The following SUPT3H variants were observed in gnomAD, a reference collection of about 807,000 sequenced individuals.
SUPT3H encodes the protein transcription initiation protein SPT3 homolog.
Under a neutral mutation model 44.3 loss-of-function variants are expected in SUPT3H, and 44 were observed. The observed-to-expected ratio is 0.99, with a 90% CI of 0.78 to 1.28. The LOEUF is 1.28. SUPT3H is among the 50% of genes most tolerant of loss of function. The probability of loss-of-function intolerance (pLI) is 0.00; values close to 1 mark genes in which losing one functional copy is unlikely to be tolerated. For missense variants in SUPT3H, 380 were observed against 387.1 expected, an observed-to-expected ratio of 0.98 and a Z score of 0.15; for synonymous variants, 124 against 125.6, an observed-to-expected ratio of 0.99 and a Z score of 0.09.
chr6:45,260,132 A>G (rs1373157455), intron 2 of SUPT3H, among the ~76,000 whole-genome samples: 1 of 152,208 alleles, frequency 6.6e-6, no homozygotes, highest in Non-Finnish European at 1.5e-5. Context: ...AACTTATGTT[A>G]CATGGTATAA....
chr6:45,342,226 G>C (rs1789929493), intron 2 of SUPT3H, among the ~76,000 whole-genome samples: 1 of 151,444 alleles, frequency 6.6e-6, no homozygotes, highest in Non-Finnish European at 1.5e-5. Context: ...GTTGTGCCTA[G>C]TGAAAAAAAA....
chr6:45,234,283 C>G (rs1291750069), intron 2 of SUPT3H, among the ~76,000 whole-genome samples: 1 of 151,866 alleles, frequency 6.6e-6, no homozygotes, highest in Non-Finnish European at 1.5e-5. Flanking sequence ...ACCAAAGATA[C>G]ACTTTGGGAG....
At chr6:45,322,273 ACTT>A (rs1425727707) in intron 2 of SUPT3H, among the ~76,000 whole-genome samples, 1 of 151,896 alleles carries the variant, frequency 6.6e-6, no homozygotes, top group Non-Finnish European at 1.5e-5. Context: ...CAAGAAACAG[ACTT>A]CTTCAGGAAT....
intron 2 of SUPT3H, among the ~76,000 whole-genome samples, chr6:45,262,369 C>G (rs939118012): frequency 1.3e-5 from 2 of 152,076 alleles, no homozygotes; most frequent in Admixed American, 6.6e-5. Context: ...GCACCTACAA[C>G]CACCTGATCT....
chr6:45,346,948 G>A (rs575521970), intron 2 of SUPT3H, among the ~76,000 whole-genome samples: 20 of 152,264 alleles, frequency 1.3e-4, no homozygotes, highest in African/African-American at 4.6e-4. Flanking sequence ...CAAAAAGTAG[G>A]AGGACTTAGC....
intron 2 of SUPT3H, among the ~76,000 whole-genome samples, chr6:45,282,458 AT>A (rs776087209): frequency 1.1e-4 from 17 of 152,356 alleles, no homozygotes; most frequent in Admixed American, 2.6e-4. Flanking sequence ...TCAGTAGCCG[AT>A]TCGATCAACT....
intron 2 of SUPT3H, among the ~76,000 whole-genome samples, chr6:45,341,769 T>C (rs1789836122): frequency 1.3e-5 from 2 of 152,216 alleles, no homozygotes; most frequent in Middle Eastern, 3.4e-3. Context: ...TATCTGGCAA[T>C]GAAGGCAAGA....
chr6:45,068,878 A>G (rs1793894211), intron 3 of SUPT3H, among the ~76,000 whole-genome samples: 1 of 152,040 alleles, frequency 6.6e-6, no homozygotes, highest in Admixed American at 6.6e-5. Flanking sequence ...AATCAGTAGA[A>G]TGTTCGTTCC....
chr6:45,249,721 C>T (rs1433210136), intron 2 of SUPT3H, among the ~76,000 whole-genome samples: 1 of 152,056 alleles, frequency 6.6e-6, no homozygotes, highest in Non-Finnish European at 1.5e-5. Context: ...GCCACTATTC[C>T]TTCACCACTC....
At chr6:45,124,510 T>A (rs1802135478) in intron 2 of SUPT3H, among the ~76,000 whole-genome samples, 1 of 151,700 alleles carries the variant, frequency 6.6e-6, no homozygotes, top group Non-Finnish European at 1.5e-5. Flanking sequence ...CTGGGCATGG[T>A]GGTGCATGCC....
chr6:45,003,683 T>A lies in SUPT3H; in HGVS notation c.474A>T (p.Glu158Asp). Residue 158 changes from glutamate to aspartate, a missense_variant, in exon 6 of 11, where the codon GAA (glutamate) becomes GAT (aspartate). By Grantham distance (45) the Glu-to-Asp change is conservative. Coordinates refer to ENST00000371459, the MANE Select transcript of SUPT3H (RefSeq NM_003599.4). ...TTCTTTCTTGTTTAACTTCATCAAT[T>A]TCGTCATCTTCAAACATTGCTAAAA... ...GELLAMFEDD[E>D]IDEVKQERME... 1 of 1,613,706 alleles carries A rather than the reference T, an allele frequency of 6.2e-7. No individual in the cohort carries two copies. The highest frequency in any genetic ancestry group is 8.5e-7 in the Non-Finnish European group (1 of 1,179,780).
At chr6:45,255,320 A>G (rs1394960218) in intron 2 of SUPT3H, among the ~76,000 whole-genome samples, 2 of 151,394 alleles carry the variant, frequency 1.3e-5, no homozygotes, top group Non-Finnish European at 2.9e-5. Flanking sequence ...AATTTTTACC[A>G]TATTTATCAT....
intron 10 of SUPT3H, among the ~76,000 whole-genome samples, chr6:44,926,471 A>T (rs1228845984): frequency 1.3e-5 from 2 of 152,150 alleles, no homozygotes; most frequent in Non-Finnish European, 2.9e-5. Context: ...AATGTCTTAA[A>T]AATTTTTTTA....
At chr6:44,884,807 C>T (rs998021197) in intron 10 of SUPT3H, among the ~76,000 whole-genome samples, 14 of 152,234 alleles carry the variant, frequency 9.2e-5, no homozygotes, top group South Asian at 4.1e-4. Flanking sequence ...CGAAGCAGGG[C>T]GAGGCATTGC....
chr6:44,929,607 A>G (rs1355077033), intron 10 of SUPT3H, among the ~76,000 whole-genome samples: 1 of 152,192 alleles, frequency 6.6e-6, no homozygotes, highest in Non-Finnish European at 1.5e-5. Flanking sequence ...TTACTATAAA[A>G]GCAGTCCACA....
intron 6 of SUPT3H, among the ~76,000 whole-genome samples, chr6:44,974,148 A>C (rs545264994): frequency 6.6e-6 from 1 of 152,216 alleles, no homozygotes; most frequent in East Asian, 1.9e-4. Context: ...TTTTTACTAC[A>C]AAAGGGGTTT....
intron 2 of SUPT3H, among the ~76,000 whole-genome samples, chr6:45,330,478 T>C (rs977339883): frequency 1.3e-5 from 2 of 152,048 alleles, no homozygotes; most frequent in Admixed American, 6.6e-5. Flanking sequence ...GTTATCACTC[T>C]GTTTAACTAT....
intron 2 of SUPT3H, among the ~76,000 whole-genome samples, chr6:45,241,214 C>A (rs60354603): frequency 2.9e-4 from 42 of 142,402 alleles, no homozygotes; most frequent in African/African-American, 8.8e-4. Flanking sequence ...AGGCCCCCCC[C>A]CAAATCTTGC....
At chr6:45,195,104 G>A (rs190832571) in intron 2 of SUPT3H, among the ~76,000 whole-genome samples, 1 of 152,108 alleles carries the variant, frequency 6.6e-6, no homozygotes, top group East Asian at 1.9e-4. Flanking sequence ...ACAAAAAATT[G>A]GCTTTTTGTG....
Sources: gnomAD v4.1 joint callset for allele counts (sites outside exome capture counted in the v4.1 genomes callset) on GRCh38, gnomAD v4.1.1 for gene constraint, MANE v1.5 for transcripts, NCBI Gene and HGNC (gene_info 2026-07-23, HGNC 2026-07-21) for gene names.